Variants in ECPAS observed in about 807,000 individuals in gnomAD.
The protein encoded by ECPAS is Ecm29 proteasome adaptor and scaffold, also known as proteasome adapter and scaffold protein ECM29.
ECPAS carries 70 observed loss-of-function variants against 255.1 expected under a neutral mutation model. The observed-to-expected ratio is 0.27, with a 90% CI of 0.23 to 0.33. ECPAS has a LOEUF of 0.33. Ranked by LOEUF, ECPAS falls within the 10% of genes least tolerant of loss-of-function variation. ECPAS has a pLI of 1.00. For synonymous variants in ECPAS, 784 were observed against 775.0 expected, an observed-to-expected ratio of 1.01 and a Z score of -0.19; for missense variants, 1,817 against 2,206.4, an observed-to-expected ratio of 0.82 and a Z score of 3.54.
intron 2 of ECPAS, among the ~76,000 whole-genome samples, chr9:111,470,268 C>T (rs148333492): frequency 5.1e-4 from 78 of 152,228 alleles, no homozygotes; most frequent in Non-Finnish European, 9.3e-4. Flanking sequence ...CTACTACAGG[C>T]TAGGCTCTTT....
chr9:111,451,388 C>A (rs373143207), intron 3 of ECPAS, 37 bp downstream of exon 3: 1 of 1,540,640 alleles, frequency 6.5e-7, no homozygotes, highest in South Asian at 1.2e-5. Flanking sequence ...TTCATTTATT[C>A]ATCATTTAAT....
rs1378629474 is a variant in ECPAS at position 111,434,938 on chromosome 9, G to A, written c.709-1566C>T. Reference sequence around the variant, plus strand: ...TTTTTACACAGAGTCTTGCTCTATCGCCCAGGATGGAGTGTCATGGCACAA... The same window carrying A: ...TTTTTACACAGAGTCTTGCTCTATCACCCAGGATGGAGTGTCATGGCACAA... On this transcript the variant is annotated intron_variant, in intron 7 of 49. Coordinates refer to ENST00000684092, the MANE Select transcript of ECPAS (RefSeq NM_001364929.1). Among the ~76,000 whole-genome samples, 9 of 117,004 alleles carry A rather than the reference G, an allele frequency of 7.7e-5. No individual in the cohort carries two copies. In the South Asian group the frequency reaches 1.4e-3, roughly 18 times the overall value. The allele number at this position is 117,004 out of a possible 152,430, so 76.8% of individuals were successfully genotyped here.
At chr9:111,408,147 G>C (rs566388612) in intron 24 of ECPAS, among the ~76,000 whole-genome samples, 1 of 152,204 alleles carries the variant, frequency 6.6e-6, no homozygotes, top group African/African-American at 2.4e-5. Flanking sequence ...ACTTAGTACA[G>C]TATCTTGGCA....
chr9:111,432,721 T>A (rs1367266297), intron 8 of ECPAS, among the ~76,000 whole-genome samples: 1 of 152,242 alleles, frequency 6.6e-6, no homozygotes, highest in Non-Finnish European at 1.5e-5. Flanking sequence ...ATTGACTTCA[T>A]TCATTTATTT....
intron 1 of ECPAS, among the ~76,000 whole-genome samples, chr9:111,479,280 C>G (rs983525230): frequency 1.3e-5 from 2 of 152,112 alleles, no homozygotes; most frequent in African/African-American, 4.8e-5. Context: ...GTAATAAGTA[C>G]TTAATACCAC....
In ECPAS at chr9:111,414,538, A is replaced by T. The variant is rs766386028; in HGVS notation, c.1878T>A (p.Thr626=). The change falls in exon 19 of 50, where the codon ACT becomes ACA. Residue 626 remains threonine (T), a synonymous_variant. Transcript: ENST00000684092. ...GTGCCATCTGCCCGCTTGACATTAA[A>T]GTCCGTATGTAGCGCCCAATGGCTG... ...HAPAIGRYIR[T]LMSSGQMAPS... 73 of 1,613,894 alleles carry T rather than the reference A, an allele frequency of 4.5e-5. No individual in the cohort carries two copies. Among genetic ancestry groups the T allele is most frequent in the Non-Finnish European group, 6.0e-5 (71 of 1,179,890 alleles).
chr9:111,370,996 A>C (rs1014583612), intron 43 of ECPAS, among the ~76,000 whole-genome samples: 4 of 152,200 alleles, frequency 2.6e-5, no homozygotes, highest in Non-Finnish European at 5.9e-5. Context: ...TAAAGAACTG[A>C]TTCGACCCAG....
At chr9:111,422,922 T>G (rs2098216266) in intron 13 of ECPAS, among the ~76,000 whole-genome samples, 1 of 152,068 alleles carries the variant, frequency 6.6e-6, no homozygotes, top group African/African-American at 2.4e-5. Context: ...CAATCAAAAG[T>G]CTCTAGGGTA....
rs1258956344 is a variant in ECPAS, at chr9:111,373,340, G to A, written c.4244C>T (p.Ala1415Val). 6.2e-7 allele frequency: 1 copy of A among 1,613,734 alleles called. No individual in the cohort carries two copies. The highest frequency in any genetic ancestry group is 8.5e-7 in the Non-Finnish European group (1 of 1,179,758). ...DRNSVIQKSC[A>V]FAMGHLVRTS... ...CCGAACTAAATGGCCCATAGCAAATGCACAAGATTTCTGAATCACACTGTT... is the reference window on the plus strand; with the variant it reads ...CCGAACTAAATGGCCCATAGCAAATACACAAGATTTCTGAATCACACTGTT... Residue 1415 changes from alanine to valine, a missense_variant, in exon 40 of 50, where the codon GCA becomes GTA. This residue lies in a region of ECPAS where 960 missense variants were observed against 1,179.0 expected (regional missense o/e 0.81). Coordinates refer to ENST00000684092, the MANE Select transcript of ECPAS (RefSeq NM_001364929.1).
At chr9:111,465,527 C>CA (rs1589231278) in intron 2 of ECPAS, among the ~76,000 whole-genome samples, 2 of 150,438 alleles carry the variant, frequency 1.3e-5, no homozygotes, top group Admixed American at 1.3e-4. Flanking sequence ...GCTACAAGAG[C>CA]AAAAAAAACT....
intron 20 of ECPAS, among the ~76,000 whole-genome samples, chr9:111,413,315 C>T (rs2131735510): frequency 6.6e-6 from 1 of 152,214 alleles, no homozygotes; most frequent in East Asian, 1.9e-4. Context: ...AAAACTGAGG[C>T]TGTTAAAGAA....
chr9:111,417,556 G>A (rs2098205871), intron 17 of ECPAS, among the ~76,000 whole-genome samples: 1 of 152,056 alleles, frequency 6.6e-6, no homozygotes. Flanking sequence ...GACCAGCCTG[G>A]CCAACATGGT....
At chr9:111,451,225 T>A (rs1046512427) in intron 3 of ECPAS, among the ~76,000 whole-genome samples, 200 bp downstream of exon 3, 1 of 152,170 alleles carries the variant, frequency 6.6e-6, no homozygotes, top group African/African-American at 2.4e-5. Flanking sequence ...AAGTAGACAG[T>A]TGGTGCTAAA....
chr9:111,402,397 T>C (rs931176456), intron 24 of ECPAS, among the ~76,000 whole-genome samples: 1 of 152,174 alleles, frequency 6.6e-6, no homozygotes, highest in African/African-American at 2.4e-5. Context: ...CAACAAAAAA[T>C]GTAAATACAC....
rs745628994 is a variant in ECPAS, at chr9:111,393,729, A to G, written c.2928T>C (p.His976=). 11 of 1,584,416 alleles carry G rather than the reference A, an allele frequency of 6.9e-6. No individual in the cohort carries two copies. In the East Asian group the frequency reaches 8.9e-5, roughly 13 times the overall value. Residue 976 remains histidine (H), a synonymous_variant, in exon 27 of 50, where the codon CAT becomes CAC. Coordinates refer to ENST00000684092, the MANE Select transcript of ECPAS (RefSeq NM_001364929.1). ...CAAATGCACTTTGAATTTCTTTAAG[A>G]TGAGACTGAAAGAAGAAAAAAGGCA... ...KLSTHKEVKS[H]LKEIQSAFVS...
At chr9:111,383,463 G>C (rs918553029) in intron 34 of ECPAS, 131 bp from the exon 35 acceptor site, 11 of 1,222,576 alleles carry the variant, frequency 9.0e-6, no homozygotes, top group African/African-American at 1.5e-5. Context: ...TGACACTACA[G>C]AGACACAGAG....
rs765371634 is a variant in ECPAS at position 111,384,510 on chromosome 9, C to G, written c.3681+12G>C. The stretch of plus-strand genomic sequence containing the variant: ...GCTCCACTCCATTCCCAATGTAAGA[C>G]GGGGTTTTCACCTTGCTCAGAGTTT... On this transcript the variant is annotated intron_variant, in intron 34 of 49. Coordinates refer to ENST00000684092, the MANE Select transcript of ECPAS (RefSeq NM_001364929.1). The G allele has an allele frequency of 5.0e-6, 8 of 1,612,440 alleles. No homozygotes were observed. The South Asian group carries it at 8.8e-5, about 18-fold the overall frequency.
chr9:111,423,482 T>A (rs937784926), intron 12 of ECPAS, among the ~76,000 whole-genome samples: 1 of 152,160 alleles, frequency 6.6e-6, no homozygotes, highest in Non-Finnish European at 1.5e-5. Flanking sequence ...AAACCTTGCA[T>A]CCCCAATCGC....
Position 111,484,270 on chromosome 9 carries a change from C to CG in ECPAS, c.-238dup, listed in dbSNP as rs1481321425. ...AGCGGGCCCGGGCTGCCCTAGCGGC[C>CG]GGGGGAAATCCTCGAGGCGGGGCCG... is the stretch of plus-strand genomic sequence containing the variant. On this transcript the variant is annotated 5_prime_UTR_variant, in exon 1 of 50. Transcript: ENST00000684092. 5 of 1,515,318 alleles carry CG rather than the reference C, an allele frequency of 3.3e-6. No individual in the cohort carries two copies. The East Asian group carries it at 9.9e-5, about 30-fold the overall frequency. The allele number at this position is 1,515,318 out of a possible 1,614,324, so 93.9% of individuals were successfully genotyped here.
Sources: gnomAD v4.1 joint callset for allele counts (sites outside exome capture counted in the v4.1 genomes callset) on GRCh38, gnomAD v4.1.1 for gene constraint, gnomAD v4.1.1 regional missense constraint, MANE v1.5 for transcripts, NCBI Gene and HGNC (gene_info 2026-07-23, HGNC 2026-07-21) for gene names.